The following DCPH1 variants were observed in gnomAD, a reference collection of about 807,000 sequenced individuals.
DCPH1 encodes the protein damage control phosphatase 1, also known as damage-control phosphatase 1.
At chr6:151,466,241 C>G in the DCPH1 span, among the ~76,000 whole-genome samples, 1 of 151,842 alleles carries the variant, frequency 6.6e-6, no homozygotes, top group African/African-American at 2.4e-5. Context: ...AACTAATAAA[C>G]CTTGTTTTTT....
chr6:151,456,992 A>G, the DCPH1 span, among the ~76,000 whole-genome samples: 35 of 152,196 alleles, frequency 2.3e-4, no homozygotes, highest in Non-Finnish European at 4.3e-4. Context: ...GCACAGAACA[A>G]GATGTAAATT....
At chr6:151,468,172 A>G in the DCPH1 span, among the ~76,000 whole-genome samples, 18 of 152,228 alleles carry the variant, frequency 1.2e-4, no homozygotes, top group Non-Finnish European at 7.3e-5. Flanking sequence ...ATACAGCATC[A>G]TGTGAAATAA....
At chr6:151,458,182 T>TTG in the DCPH1 span, 70 of 1,058,472 alleles carry the variant, frequency 6.6e-5, no homozygotes, top group African/African-American at 1.1e-3. Context: ...ATTTTCAGTT[T>TTG]AAGAGTTCTA....
chr6:151,454,730 T>G, the DCPH1 span: 1 of 706,850 alleles, frequency 1.4e-6, no homozygotes, highest in Admixed American at 2.9e-5. Context: ...AAGGTATCAA[T>G]TTTCCTTTAA....
the DCPH1 span, among the ~76,000 whole-genome samples, chr6:151,460,448 G>T: frequency 1.3e-5 from 2 of 151,150 alleles, no homozygotes; most frequent in African/African-American, 4.9e-5. Flanking sequence ...TTTCTGATAG[G>T]TAGGTTTTAG....
At chr6:151,454,792 A>C in the DCPH1 span, 1 of 537,900 alleles carries the variant, frequency 1.9e-6, no homozygotes, top group Non-Finnish European at 3.3e-6. Flanking sequence ...AAGGTAATAC[A>C]TTGAAATGAA....
At chr6:151,461,399 A>G in the DCPH1 span, among the ~76,000 whole-genome samples, 4 of 152,350 alleles carry the variant, frequency 2.6e-5, no homozygotes, top group East Asian at 7.7e-4. Context: ...GGCCAGGCAC[A>G]GTGGCTTACG....
the DCPH1 span, among the ~76,000 whole-genome samples, chr6:151,463,188 C>T: frequency 2.0e-5 from 3 of 152,108 alleles, no homozygotes; most frequent in Non-Finnish European, 2.9e-5. Context: ...TCTGTGCATC[C>T]GAATGATTTT....
chr6:151,469,217 G>T, the DCPH1 span: 1 of 902,242 alleles, frequency 1.1e-6, no homozygotes. Context: ...TACGCGCTCA[G>T]GGAAGCTTAG....
chr6:151,468,226 A>AC, the DCPH1 span: 2 of 651,328 alleles, frequency 3.1e-6, no homozygotes. Flanking sequence ...ATGGTCATGT[A>AC]AAGAGTTTTG....
At chr6:151,455,095 A>G in the DCPH1 span, among the ~76,000 whole-genome samples, 2 of 152,196 alleles carry the variant, frequency 1.3e-5, no homozygotes, top group Admixed American at 6.5e-5. Flanking sequence ...TAATTGATTG[A>G]CACATTGTAC....
the DCPH1 span, among the ~76,000 whole-genome samples, chr6:151,465,322 G>C: frequency 6.6e-6 from 1 of 152,198 alleles, no homozygotes; most frequent in Non-Finnish European, 1.5e-5. Flanking sequence ...CAGAAAAAGT[G>C]AGGAAGACTT....
chr6:151,454,567 A>G, the DCPH1 span: 21 of 1,535,228 alleles, frequency 1.4e-5, no homozygotes, highest in Non-Finnish European at 1.7e-5. Flanking sequence ...ATATCTTACA[A>G]TTAAAGACAG....
the DCPH1 span, among the ~76,000 whole-genome samples, chr6:151,462,791 A>T: frequency 6.6e-6 from 1 of 152,230 alleles, no homozygotes; most frequent in South Asian, 2.1e-4. Flanking sequence ...ATATATAGTT[A>T]TGTGAGTTTA....
chr6:151,468,748 T>C, the DCPH1 span: 3 of 1,614,134 alleles, frequency 1.9e-6, no homozygotes, highest in Non-Finnish European at 2.5e-6. Context: ...CTGGGAAGAG[T>C]ATATTAAAAT....
At chr6:151,455,409 A>G in the DCPH1 span, among the ~76,000 whole-genome samples, 1 of 152,170 alleles carries the variant, frequency 6.6e-6, no homozygotes, top group Non-Finnish European at 1.5e-5. Flanking sequence ...TGTTTCTCCG[A>G]GAGAGGGATG....
At chr6:151,464,498 A>C in the DCPH1 span, 1 of 1,610,914 alleles carries the variant, frequency 6.2e-7, no homozygotes. Context: ...CAAAAGAGCA[A>C]AATTTCTATG....
chr6:151,468,408 C>G, the DCPH1 span: 1 of 1,599,298 alleles, frequency 6.3e-7, no homozygotes, highest in Non-Finnish European at 8.5e-7. Flanking sequence ...CTCAGAATAC[C>G]AATGTACTAA....
the DCPH1 span, chr6:151,458,511 TCA>T: frequency 6.2e-7 from 1 of 1,611,820 alleles, no homozygotes; most frequent in Non-Finnish European, 8.5e-7. Context: ...ATGGTTCTAC[TCA>T]CCGTGGTTGT....
Sources: gnomAD v4.1 joint callset for allele counts (sites outside exome capture counted in the v4.1 genomes callset) on GRCh38, gnomAD v4.1.1 for gene constraint, MANE v1.5 for transcripts, NCBI Gene and HGNC (gene_info 2026-07-23, HGNC 2026-07-21) for gene names.